The following BOC variants were observed in gnomAD, a reference collection of about 807,000 sequenced individuals.
BOC encodes brother of CDO.
A neutral mutation model predicts 112.0 loss-of-function variants in BOC; 76 were observed. That is an observed-to-expected ratio of 0.68 (90% CI 0.56 to 0.82). The LOEUF is 0.82. Among genes scored for constraint, BOC ranks in the 40% least tolerant of loss-of-function variants. BOC has a pLI of 0.00. For synonymous variants in BOC, 580 were observed against 599.8 expected (o/e 0.97, Z 0.48); for missense variants, 1,309 against 1,511.7 (o/e 0.87, Z 2.22).
upstream of BOC, chr3:113,211,517 C>T (rs905078245): frequency 6.6e-6 from 1 of 152,334 alleles, no homozygotes; most frequent in Non-Finnish European, 1.5e-5. Context: ...TGGGAGGCTC[C>T]TAGGCAGGAG....
intron 2 of BOC, among the ~76,000 whole-genome samples, chr3:113,232,994 C>T (rs933605697): frequency 6.6e-6 from 1 of 152,138 alleles, no homozygotes; most frequent in African/African-American, 2.4e-5. Flanking sequence ...TTGTCCATGT[C>T]GCAGTGCAGC....
intron 9 of BOC, among the ~76,000 whole-genome samples, chr3:113,276,022 G>T (rs186556140): frequency 6.6e-6 from 1 of 152,200 alleles, no homozygotes; most frequent in Non-Finnish European, 1.5e-5. Flanking sequence ...CCAGCAAAGC[G>T]GGTGAATGAG....
chr3:113,248,195 A>AAGG (rs1269971401), intron 2 of BOC, among the ~76,000 whole-genome samples: 1 of 152,210 alleles, frequency 6.6e-6, no homozygotes, highest in Non-Finnish European at 1.5e-5. Flanking sequence ...CAGAAAGCCA[A>AAGG]AGGACCACAG....
At position 113,278,588 on chromosome 3, in the gene BOC, C is replaced by G; in HGVS notation, c.1706-85C>G. On this transcript the variant is annotated intron_variant, in intron 10 of 19. Coordinates refer to ENST00000682979, the MANE Select transcript of BOC (RefSeq NM_001378074.1). The surrounding 1 kb of genome is among the most constrained non-coding windows in gnomAD (Gnocchi z 4.2). ...TGCATCACTTTGTCATGCCGCTTAG[C>G]AGAGTCTCAGGCAAAAAGGACTCTG... 1 of 1,202,504 alleles carries G rather than the reference C, an allele frequency of 8.3e-7. No homozygotes were observed. The highest frequency in any genetic ancestry group is 1.2e-6 in the Non-Finnish European group (1 of 836,020). 74.5% of individuals were successfully genotyped at this position (1,202,504 alleles called of 1,614,324 possible).
intron 1 of BOC, among the ~76,000 whole-genome samples, chr3:113,212,862 A>G (rs1938504167): frequency 6.6e-6 from 1 of 152,192 alleles, no homozygotes; most frequent in Non-Finnish European, 1.5e-5. Context: ...TGGGGAGGGC[A>G]GGGAACCCAG....
chr3:113,229,578 T>C (rs947692190), intron 2 of BOC, among the ~76,000 whole-genome samples: 1 of 152,214 alleles, frequency 6.6e-6, no homozygotes, highest in African/African-American at 2.4e-5. Flanking sequence ...CGGCCTCCTC[T>C]TTCATCTTTA....
intron 1 of BOC, among the ~76,000 whole-genome samples, chr3:113,215,019 T>A (rs1365257617): frequency 6.6e-6 from 1 of 152,216 alleles, no homozygotes; most frequent in Non-Finnish European, 1.5e-5. Context: ...AGTATGAACT[T>A]TTGTCATCAG....
At position 113,250,540 on chromosome 3, in the gene BOC, C is replaced by T; in HGVS notation, c.98-15C>T. ...GGGGCATCAGTTCATTGCTGCATCC[C>T]TGTTCTTCCTCCAGACGAGGTCCCT... On this transcript the variant is annotated splice_polypyrimidine_tract_variant and intron_variant, in intron 3 of 19. Transcript: ENST00000682979. The T allele has an allele frequency of 6.3e-7, 1 of 1,598,336 alleles. No individual in the cohort carries two copies. Among genetic ancestry groups the T allele is most frequent in the Non-Finnish European group, 8.5e-7 (1 of 1,172,298 alleles).
intron 9 of BOC, among the ~76,000 whole-genome samples, chr3:113,275,144 A>G (rs1051397708): frequency 2.0e-5 from 3 of 152,202 alleles, no homozygotes; most frequent in Admixed American, 6.5e-5. Context: ...AGGAAAACAA[A>G]TATTTGTGAA....
At position 113,285,044 on chromosome 3, in the gene BOC, C is replaced by G. The variant is rs546179649; in HGVS notation, c.2966+186C>G. Among the ~76,000 whole-genome samples the G allele has an allele frequency of 7.6e-4, 116 of 152,386 alleles. No homozygotes were observed. In the Middle Eastern group the frequency reaches 0.017, roughly 22 times the overall value. On this transcript the variant is annotated intron_variant, in intron 18 of 19. Coordinates refer to ENST00000682979, the MANE Select transcript of BOC (RefSeq NM_001378074.1). ...AGTTGTTGCATTTGCAATTGCGATG[C>G]CCTTTCTGCCTGAGGGCATGGCTTG...
At position 113,279,526 on chromosome 3, in the gene BOC, C is replaced by T. The variant is rs11920382; in HGVS notation, c.2023+71C>T. ...CCCCTTTCCGCCTGGAGGAGGATGA[C>T]GAGCCTGGGATCCCCTTCTCTCGGC... On this transcript the variant is annotated intron_variant, in intron 12 of 19. Transcript: ENST00000682979. The T allele has an allele frequency of 6.5e-4, 945 of 1,454,296 alleles. 2 individuals carry two copies. In the African/African-American group the frequency reaches 7.1e-3, roughly 11 times the overall value. 90.1% of individuals were successfully genotyped at this position (1,454,296 alleles called of 1,614,324 possible). A position where few individuals can be genotyped will look rare whatever the true frequency, so the allele number is the denominator to read the frequency against.
rs973414275 is a variant in BOC at position 113,216,239 on chromosome 3, A to G, written c.-117A>G. 1 of 456,570 alleles carries G rather than the reference A, an allele frequency of 2.2e-6. No homozygotes were observed. The highest frequency in any genetic ancestry group is 2.0e-5 in the African/African-American group (1 of 50,058). 28.3% of individuals were successfully genotyped at this position (456,570 alleles called of 1,614,324 possible). On this transcript the variant is annotated 5_prime_UTR_variant, in exon 2 of 20. Coordinates refer to ENST00000682979, the MANE Select transcript of BOC (RefSeq NM_001378074.1). Reference sequence around the variant, plus strand: ...GACCCATGAAGTCTTGTCGACATTTATACCGTCTGAGGGTAGCAGCTCGAA... The same window carrying G: ...GACCCATGAAGTCTTGTCGACATTTGTACCGTCTGAGGGTAGCAGCTCGAA...
rs1038938272 is a variant in BOC, at chr3:113,284,665, G to T, written c.2889+98G>T. ...CTCCTCCCTCCTAGGGTCTCAGGCT[G>T]GGCTGCTGGGCCAGGCTTTCTTTAG... On this transcript the variant is annotated intron_variant, in intron 17 of 19. Coordinates refer to ENST00000682979, the MANE Select transcript of BOC (RefSeq NM_001378074.1). The T allele has an allele frequency of 4.5e-5, 68 of 1,516,352 alleles. No homozygotes were observed. The African/African-American group carries it at 8.3e-4, about 18-fold the overall frequency. 93.9% of individuals were successfully genotyped at this position (1,516,352 alleles called of 1,614,324 possible). A position where few individuals can be genotyped will look rare whatever the true frequency, so the allele number is the denominator to read the frequency against.
At chr3:113,217,479 A>ATGG (rs1230378012) in intron 2 of BOC, among the ~76,000 whole-genome samples, 1 of 152,076 alleles carries the variant, frequency 6.6e-6, no homozygotes, top group African/African-American at 2.4e-5. Flanking sequence ...GTGAGCTGAG[A>ATGG]TGGTGCCACT....
In BOC at chr3:113,227,870, T is replaced by G. The variant is rs572848803; in HGVS notation, c.-82+11596T>G. 2.0e-5 allele frequency among the ~76,000 whole-genome samples: 3 copies of G among 147,312 alleles called. No homozygotes were observed. In the South Asian group the frequency reaches 6.4e-4, roughly 32 times the overall value. ...TTATCAAGACAAACAAGTGTTTGGG[T>G]TTTTTTTTTTCTTTAGTATGATTTT... On this transcript the variant is annotated intron_variant, in intron 2 of 19. Coordinates refer to ENST00000682979, the MANE Select transcript of BOC (RefSeq NM_001378074.1).
chr3:113,236,274 ACC>A (rs2107761015), intron 2 of BOC, among the ~76,000 whole-genome samples: 1 of 85,974 alleles, frequency 1.2e-5, no homozygotes, highest in East Asian at 4.2e-4. Context: ...GTGTATATAT[ACC>A]CATGGGTATA....
rs757377586 is a variant in BOC, at chr3:113,273,347, T to C, written c.1234+6T>C. ...GCTGCGGACCTCCAGGCCAAGTGAG[T>C]GTAGCCCAGGGGTCTGAGATTCCAG... On this transcript the variant is annotated splice_donor_region_variant and intron_variant, in intron 8 of 19. Coordinates refer to ENST00000682979, the MANE Select transcript of BOC (RefSeq NM_001378074.1). 2 of 1,584,228 alleles carry C rather than the reference T, an allele frequency of 1.3e-6. No individual in the cohort carries two copies. The highest frequency in any genetic ancestry group is 2.2e-5 in the South Asian group (2 of 89,804).
In BOC at chr3:113,285,312, A is replaced by G. The variant is rs896319654; in HGVS notation, c.2967-60A>G. 3.3e-6 allele frequency: 5 copies of G among 1,529,266 alleles called. No individual in the cohort carries two copies. In the African/African-American group the frequency reaches 5.5e-5, roughly 17 times the overall value. The allele number at this position is 1,529,266 out of a possible 1,614,324, so 94.7% of individuals were successfully genotyped here. ...AGACAGGGAGACAGCCAGCAGGGGG[A>G]TGGGGCGACAGGCCCACCCTGCCCA... On this transcript the variant is annotated intron_variant, in intron 18 of 19. Coordinates refer to ENST00000682979, the MANE Select transcript of BOC (RefSeq NM_001378074.1).
chr3:113,271,565 T>G (rs1455466709), intron 6 of BOC: 1 of 204,082 alleles, frequency 4.9e-6, no homozygotes, highest in Non-Finnish European at 1.0e-5. Flanking sequence ...CTAATGAAGT[T>G]AAACTTCCAT....
Sources: allele counts gnomAD v4.1 joint callset (sites outside exome capture counted in the v4.1 genomes callset), GRCh38; gene constraint gnomAD v4.1.1; non-coding constraint Gnocchi (gnomAD v3.1); transcripts MANE v1.5; gene names NCBI Gene and HGNC (gene_info 2026-07-23, HGNC 2026-07-21).